The following CFAP61 variants were observed in gnomAD, a reference collection of about 807,000 sequenced individuals.
CFAP61 encodes the protein cilia- and flagella-associated protein 61.
In CFAP61, 107 loss-of-function variants were observed where a neutral mutation model predicts 135.6. That is an observed-to-expected ratio of 0.79 (90% CI 0.67 to 0.93). CFAP61 has a LOEUF of 0.93. CFAP61 is among the 40% of genes least tolerant of loss of function. The pLI is 0.00. For synonymous variants in CFAP61, 575 were observed against 578.5 expected, an observed-to-expected ratio of 0.99 and a Z score of 0.09; for missense variants, 1,507 against 1,556.2, an observed-to-expected ratio of 0.97 and a Z score of 0.53.
chr20:20,234,260 C>A (rs1194747091), intron 18 of CFAP61, among the ~76,000 whole-genome samples: 1 of 152,118 alleles, frequency 6.6e-6, no homozygotes, highest in Non-Finnish European at 1.5e-5. Context: ...TGGCCGTGGG[C>A]AGAGAGAGGC....
intron 23 of CFAP61, 84 bp downstream of exon 23, chr20:20,289,020 T>G: frequency 1.8e-6 from 2 of 1,127,160 alleles, no homozygotes; most frequent in Non-Finnish European, 2.5e-6. Context: ...AGGTTTCTCT[T>G]AGGCTTGGGG....
At chr20:20,155,431 A>C (rs887543995) in intron 9 of CFAP61, among the ~76,000 whole-genome samples, 4 of 152,210 alleles carry the variant, frequency 2.6e-5, no homozygotes, top group Non-Finnish European at 5.9e-5. Flanking sequence ...ACCTAATTAA[A>C]CTAAAAAGCT....
At chr20:20,200,660 G>C in intron 17 of CFAP61, 1 of 983,598 alleles carries the variant, frequency 1.0e-6, no homozygotes, top group Non-Finnish European at 1.2e-6. Context: ...CCCTCAGTGG[G>C]CTAACATTTG....
At chr20:20,067,089 C>T (rs901684383) in intron 2 of CFAP61, among the ~76,000 whole-genome samples, 8 of 150,132 alleles carry the variant, frequency 5.3e-5, no homozygotes, top group Admixed American at 4.6e-4. Context: ...TAACATCTGA[C>T]TCTTAAAAAA....
At chr20:20,081,629 C>A (rs1230479914) in intron 6 of CFAP61, among the ~76,000 whole-genome samples, 1 of 152,162 alleles carries the variant, frequency 6.6e-6, no homozygotes, top group East Asian at 1.9e-4. Flanking sequence ...ATGGTTTGGT[C>A]TCCCTTTCTG....
intron 14 of CFAP61, 133 bp downstream of exon 14, chr20:20,188,189 A>C: frequency 1.1e-6 from 1 of 884,546 alleles, no homozygotes; most frequent in Middle Eastern, 2.3e-4. Context: ...GAGTTAGAAG[A>C]TGGGAGCAAG....
rs984845412 is a variant in CFAP61, at chr20:20,085,168, A to G, written c.567-5676A>G. 2.0e-5 allele frequency: 20 copies of G among 985,332 alleles called. No individual in the cohort carries two copies. In the African/African-American group the frequency reaches 3.1e-4, roughly 15 times the overall value. 61.0% of individuals were successfully genotyped at this position (985,332 alleles called of 1,614,324 possible). Reference sequence around the variant, plus strand: ...CTGTGCGGCCTGTCAGTGCCAGGGCATGTGACGCTGCGGTGCCAAATTCAC... The same window carrying G: ...CTGTGCGGCCTGTCAGTGCCAGGGCGTGTGACGCTGCGGTGCCAAATTCAC... On this transcript the variant is annotated intron_variant, in intron 6 of 26. Coordinates refer to ENST00000245957, the MANE Select transcript of CFAP61 (RefSeq NM_015585.4).
At chr20:20,152,954 A>G (rs1196051641) in intron 9 of CFAP61, among the ~76,000 whole-genome samples, 2 of 152,228 alleles carry the variant, frequency 1.3e-5, no homozygotes, top group Non-Finnish European at 1.5e-5. Flanking sequence ...ATTCTCCAAG[A>G]TATGCCATAT....
At chr20:20,065,602 T>A (rs917112032) in intron 2 of CFAP61, among the ~76,000 whole-genome samples, 1 of 145,282 alleles carries the variant, frequency 6.9e-6, no homozygotes, top group Non-Finnish European at 1.5e-5. Context: ...AATGACTTAT[T>A]TTATAGACAT....
rs540511113 is a variant in CFAP61 at position 20,154,329 on chromosome 20, C to T, written c.952-5041C>T. Among the ~76,000 whole-genome samples, 4 of 152,140 alleles carry T rather than the reference C, an allele frequency of 2.6e-5. No homozygotes were observed. The South Asian group carries it at 8.3e-4, about 32-fold the overall frequency. On this transcript the variant is annotated intron_variant, in intron 9 of 26. Coordinates refer to ENST00000245957, the MANE Select transcript of CFAP61 (RefSeq NM_015585.4). ...GATGCACATTTTCACCACTTTTATT[C>T]AACATAGTACTTAATGTCCTAGCCA...
Position 20,251,696 on chromosome 20 carries a change from T to C in CFAP61, c.2261T>C (p.Val754Ala), listed in dbSNP as rs535287440. The C allele has an allele frequency of 3.7e-6, 6 of 1,614,196 alleles. No homozygotes were observed. In the Admixed American group the frequency reaches 5.0e-5, roughly 13 times the overall value. Residue 754 changes from valine (V) to alanine (A), a missense_variant, in exon 20 of 27, where the codon GTT becomes GCT. Coordinates refer to ENST00000245957, the MANE Select transcript of CFAP61 (RefSeq NM_015585.4). ...MTGIDRAAKH[V>A]VLSTDEIVPY... ...GGCATAGACCGAGCAGCCAAGCACG[T>C]TGTGCTTTCCACGGACGAGATCGTG...
chr20:20,093,065 T>A (rs990097619), intron 7 of CFAP61, among the ~76,000 whole-genome samples: 1 of 152,158 alleles, frequency 6.6e-6, no homozygotes, highest in Non-Finnish European at 1.5e-5. Context: ...ACAGCCCAAA[T>A]GTCTATCTAC....
rs146688748 is a variant in CFAP61 at position 20,314,505 on chromosome 20, G to A, written c.3422+16119G>A. ...GTGATGCTTTCTTATACAAGCCTTG[G>A]TTTTTGTTTTTTTTTATTATTATTA... On this transcript the variant is annotated intron_variant, in intron 25 of 26. Coordinates refer to ENST00000245957, the MANE Select transcript of CFAP61 (RefSeq NM_015585.4). Among the ~76,000 whole-genome samples the A allele has an allele frequency of 4.2e-3, 624 of 149,380 alleles. 1 individual carries two copies. Among genetic ancestry groups the A allele is most frequent in the African/African-American group, 0.014 (586 of 40,684 alleles).
intron 2 of CFAP61, among the ~76,000 whole-genome samples, chr20:20,066,153 C>G (rs947028256): frequency 1.3e-5 from 2 of 151,968 alleles, no homozygotes; most frequent in South Asian, 2.1e-4. Context: ...GTCAGAATGG[C>G]GATCATTAAA....
intron 13 of CFAP61, chr20:20,171,644 T>G: frequency 6.9e-6 from 3 of 437,944 alleles, no homozygotes; most frequent in Middle Eastern, 4.9e-4. Context: ...TTCAGTAATT[T>G]TATTCTTGAC....
At chr20:20,077,629 T>G in intron 6 of CFAP61, among the ~76,000 whole-genome samples, 2 of 152,308 alleles carry the variant, frequency 1.3e-5, no homozygotes, top group South Asian at 4.1e-4. Context: ...TAGGGAGATA[T>G]AAGACACAAA....
At position 20,138,647 on chromosome 20, in the gene CFAP61, T is replaced by C. The variant is rs1420953649; in HGVS notation, c.860-4210T>C. Among the ~76,000 whole-genome samples the C allele has an allele frequency of 3.3e-5, 5 of 152,244 alleles. No individual in the cohort carries two copies. The East Asian group carries it at 5.8e-4, about 18-fold the overall frequency. ...CTCTTCAGTGCCTCTTTCAGTGATA[T>C]GAAGTTAAAACCAGATAGTGTGATC... On this transcript the variant is annotated intron_variant, in intron 8 of 26. Transcript: ENST00000245957.
At chr20:20,349,969 C>CAA (rs1327860709) in intron 26 of CFAP61, among the ~76,000 whole-genome samples, 1 of 152,188 alleles carries the variant, frequency 6.6e-6, no homozygotes, top group Non-Finnish European at 1.5e-5. Flanking sequence ...TTGAAGAACT[C>CAA]ACATTTTCTT....
intron 25 of CFAP61, among the ~76,000 whole-genome samples, chr20:20,332,184 T>C (rs1263400672): frequency 3.3e-5 from 5 of 152,238 alleles, no homozygotes; most frequent in African/African-American, 1.2e-4. Context: ...GACATTGCTG[T>C]AAGGCACTGC....
Sources: gnomAD v4.1 joint callset for allele counts (sites outside exome capture counted in the v4.1 genomes callset) on GRCh38, gnomAD v4.1.1 for gene constraint, MANE v1.5 for transcripts, NCBI Gene and HGNC (gene_info 2026-07-23, HGNC 2026-07-21) for gene names.